DCC: variants seen among roughly 807,000 people sequenced by gnomAD.
The protein encoded by DCC is DCC netrin 1 receptor, also known as netrin receptor DCC.
Under a neutral mutation model 172.5 loss-of-function variants are expected in DCC, and 58 were observed. That is an observed-to-expected ratio of 0.34 (90% CI 0.27 to 0.42). DCC has a LOEUF of 0.42. Among genes scored for constraint, DCC ranks in the 10% least tolerant of loss-of-function variants. The pLI, the probability that DCC is intolerant of heterozygous loss-of-function variation, is 1.00. For synonymous variants in DCC, 709 were observed against 644.5 expected (o/e 1.10, Z -1.52); for missense variants, 1,740 against 1,791.0 (o/e 0.97, Z 0.51).
At chr18:52,787,038 C>A (rs965264703) in intron 2 of DCC, among the ~76,000 whole-genome samples, 1 of 152,002 alleles carries the variant, frequency 6.6e-6, no homozygotes, top group Non-Finnish European at 1.5e-5. Flanking sequence ...GAAACATGCT[C>A]CAAATTTTGT....
intron 2 of DCC, among the ~76,000 whole-genome samples, chr18:52,851,823 A>G (rs936748197): frequency 1.3e-5 from 2 of 152,132 alleles, no homozygotes; most frequent in Admixed American, 1.3e-4. Flanking sequence ...AAAATTATGG[A>G]CAAGGATATG....
chr18:52,779,763 C>T (rs2037499819), intron 2 of DCC, among the ~76,000 whole-genome samples: 1 of 152,216 alleles, frequency 6.6e-6, no homozygotes, highest in South Asian at 2.1e-4. Context: ...AATTTACACT[C>T]CCACCAACAG....
chr18:52,374,033 A>G (rs1985240393), intron 1 of DCC, among the ~76,000 whole-genome samples: 1 of 151,642 alleles, frequency 6.6e-6, no homozygotes, highest in Non-Finnish European at 1.5e-5. Flanking sequence ...CTGGGACTAC[A>G]GGCGCCCGCC....
intron 1 of DCC, among the ~76,000 whole-genome samples, chr18:52,612,974 T>C (rs1255279061): frequency 6.6e-6 from 1 of 152,182 alleles, no homozygotes; most frequent in African/African-American, 2.4e-5. Flanking sequence ...GCTTTGTTGC[T>C]ACTACAAATA....
chr18:52,351,669 A>T (rs1333283665), intron 1 of DCC, among the ~76,000 whole-genome samples: 1 of 152,202 alleles, frequency 6.6e-6, no homozygotes, highest in African/African-American at 2.4e-5. Flanking sequence ...ATTGCCATGG[A>T]CATTCCTTGT....
intron 1 of DCC, among the ~76,000 whole-genome samples, chr18:52,538,027 C>T (rs2032336533): frequency 6.6e-6 from 1 of 152,220 alleles, no homozygotes; most frequent in Admixed American, 6.5e-5. Context: ...CTGGATTCCA[C>T]CTGTGCATGA....
rs111849888 is a variant in DCC, at chr18:53,260,545, C to T, written c.1911+44948C>T. Among the ~76,000 whole-genome samples, 193 of 152,116 alleles carry T rather than the reference C, an allele frequency of 1.3e-3. 1 individual carries two copies. Among genetic ancestry groups the T allele is most frequent in the African/African-American group, 4.1e-3 (171 of 41,510 alleles). ...TATTGGTGAACAGCAAATGTTGCTG[C>T]CTGATCGTTCCTCTGGAAGTTTTGT... is the stretch of plus-strand genomic sequence containing the variant. On this transcript the variant is annotated intron_variant, in intron 12 of 28. Coordinates refer to ENST00000442544, the MANE Select transcript of DCC (RefSeq NM_005215.4).
intron 19 of DCC, among the ~76,000 whole-genome samples, chr18:53,406,728 A>G (rs1484508355): frequency 8.6e-6 from 1 of 116,406 alleles, no homozygotes; most frequent in Non-Finnish European, 2.1e-5. Context: ...AAAGAAAGAA[A>G]AAAGAAAAAA....
chr18:52,891,600 A>T (rs761757180), intron 2 of DCC, among the ~76,000 whole-genome samples: 1 of 152,090 alleles, frequency 6.6e-6, no homozygotes, highest in Non-Finnish European at 1.5e-5. Context: ...TCTTGCTCAC[A>T]TGTATTATAT....
chr18:53,005,077 G>C (rs148554237), intron 5 of DCC, among the ~76,000 whole-genome samples: 1 of 152,146 alleles, frequency 6.6e-6, no homozygotes, highest in East Asian at 1.9e-4. Flanking sequence ...TTCACCATAG[G>C]ATGACATAGC....
intron 1 of DCC, among the ~76,000 whole-genome samples, chr18:52,634,267 T>C (rs2044341365): frequency 6.6e-6 from 1 of 152,226 alleles, no homozygotes; most frequent in African/African-American, 2.4e-5. Context: ...TTAAGCATGC[T>C]ACTGTTTGCC....
chr18:52,346,581 A>C (rs1983888048), intron 1 of DCC, among the ~76,000 whole-genome samples: 1 of 152,210 alleles, frequency 6.6e-6, no homozygotes, highest in African/African-American at 2.4e-5. Context: ...ATAATAATGC[A>C]TAAGATTGAA....
At chr18:52,449,773 T>C (rs1199813745) in intron 1 of DCC, among the ~76,000 whole-genome samples, 5 of 152,208 alleles carry the variant, frequency 3.3e-5, no homozygotes, top group Non-Finnish European at 7.3e-5. Flanking sequence ...GTTCTCATGA[T>C]AGTGAATAAG....
chr18:53,206,427 A>G (rs1459568676), intron 10 of DCC, among the ~76,000 whole-genome samples: 4 of 111,452 alleles, frequency 3.6e-5, no homozygotes, highest in African/African-American at 1.0e-4. Flanking sequence ...ATATATGTAT[A>G]TATGTATATA....
rs190923771 is a variant in DCC at position 53,496,826 on chromosome 18, G to A, written c.3899-2472G>A. On this transcript the variant is annotated intron_variant, in intron 26 of 28. Transcript: ENST00000442544. ...CTGAAAAACACAGCACAAGAACCTC[G>A]TGAAGCATACACAAGTATCAATAGC... Among the ~76,000 whole-genome samples, 20 of 152,270 alleles carry A rather than the reference G, an allele frequency of 1.3e-4. No individual in the cohort carries two copies. The East Asian group carries it at 3.1e-3, about 23-fold the overall frequency.
intron 2 of DCC, chr18:52,759,202 C>T (rs1449236997): frequency 6.6e-6 from 1 of 152,166 alleles, no homozygotes; most frequent in Admixed American, 6.5e-5. Flanking sequence ...CACACAGCCC[C>T]CACACCCTCA....
chr18:53,190,149 C>T (rs981089873), intron 9 of DCC, among the ~76,000 whole-genome samples: 3 of 152,124 alleles, frequency 2.0e-5, no homozygotes, highest in Admixed American at 6.5e-5. Flanking sequence ...AGGTCTTGAA[C>T]TCCCGTCCTC....
intron 21 of DCC, among the ~76,000 whole-genome samples, chr18:53,422,624 C>A (rs866950534): frequency 1.4e-4 from 21 of 152,262 alleles, no homozygotes; most frequent in African/African-American, 3.6e-4. Context: ...CCATTTTACA[C>A]CTCAGCAGTT....
intron 15 of DCC, among the ~76,000 whole-genome samples, chr18:53,380,760 T>C (rs1907663187): frequency 6.6e-6 from 1 of 152,150 alleles, no homozygotes; most frequent in African/African-American, 2.4e-5. Flanking sequence ...TAGGAAAACA[T>C]TGAGCCAAAA....
Sources: gnomAD v4.1 joint callset for allele counts (sites outside exome capture counted in the v4.1 genomes callset) on GRCh38, gnomAD v4.1.1 for gene constraint, MANE v1.5 for transcripts, NCBI Gene and HGNC (gene_info 2026-07-23, HGNC 2026-07-21) for gene names.